ANTXR2: variants seen among roughly 807,000 people sequenced by gnomAD.
ANTXR2 encodes ANTXR cell adhesion molecule 2, also known as anthrax toxin receptor 2.
In ANTXR2, 44 loss-of-function variants were observed where a neutral mutation model predicts 73.7. The ratio of observed to expected loss-of-function variants is 0.60; its 90% CI spans 0.47 to 0.77. The LOEUF is 0.77. Among genes scored for constraint, ANTXR2 ranks in the 30% least tolerant of loss-of-function variants. The pLI, the probability that ANTXR2 is intolerant of heterozygous loss-of-function variation, is 0.00. For missense variants in ANTXR2, 604 were observed against 592.5 expected (o/e 1.02, Z -0.20); for synonymous variants, 217 against 205.9 (o/e 1.05, Z -0.46).
chr4:79,923,433 CATCA>C (rs1226063789), intron 16 of ANTXR2, among the ~76,000 whole-genome samples: 3 of 151,912 alleles, frequency 2.0e-5, no homozygotes, highest in Non-Finnish European at 4.4e-5. Context: ...ATGTGTGGCC[CATCA>C]ATTAATAGGG....
intron 16 of ANTXR2, among the ~76,000 whole-genome samples, chr4:79,919,418 G>A (rs1454056173): frequency 6.6e-6 from 1 of 151,974 alleles, no homozygotes; most frequent in Non-Finnish European, 1.5e-5. Flanking sequence ...ATTGTTCCAG[G>A]GTGTGTCTTC....
At chr4:79,955,555 T>C (rs1227739782) in intron 16 of ANTXR2, among the ~76,000 whole-genome samples, 1 of 152,184 alleles carries the variant, frequency 6.6e-6, no homozygotes, top group Non-Finnish European at 1.5e-5. Context: ...TGTTAAGGCC[T>C]CCTCTCTGAG....
At chr4:80,018,721 A>G (rs909844363) in intron 11 of ANTXR2, among the ~76,000 whole-genome samples, 177 bp downstream of exon 11, 4 of 152,218 alleles carry the variant, frequency 2.6e-5, no homozygotes, top group African/African-American at 9.6e-5. Flanking sequence ...GGAGCTCAAC[A>G]TAAAAAAAAG....
At chr4:79,951,605 C>A (rs1425468834) in intron 16 of ANTXR2, among the ~76,000 whole-genome samples, 6 of 150,202 alleles carry the variant, frequency 4.0e-5, no homozygotes, top group African/African-American at 1.5e-4. Flanking sequence ...AAAAAAAAAA[C>A]AACAAAAAGA....
In ANTXR2 at chr4:79,977,736, A is replaced by G. The variant is rs944065442; in HGVS notation, c.1348-35T>C. ...AATGAGATTTGTGAATTCCCAGAGA[A>G]TGTACTCAATCTCTATGTACTGAAT... On this transcript the variant is annotated intron_variant, in intron 15 of 16. Coordinates refer to ENST00000403729, the MANE Select transcript of ANTXR2 (RefSeq NM_058172.6). 3.3e-6 allele frequency: 5 copies of G among 1,519,388 alleles called. No individual in the cohort carries two copies. In the Admixed American group the frequency reaches 6.0e-5, roughly 18 times the overall value. The allele number at this position is 1,519,388 out of a possible 1,614,324, so 94.1% of individuals were successfully genotyped here. A position where few individuals can be genotyped will look rare whatever the true frequency, so the allele number is the denominator to read the frequency against.
At chr4:79,998,313 A>C (rs1398778608) in intron 12 of ANTXR2, among the ~76,000 whole-genome samples, 1 of 152,038 alleles carries the variant, frequency 6.6e-6, no homozygotes, top group Non-Finnish European at 1.5e-5. Context: ...ATGAATTTGC[A>C]ATTTTCCCTT....
chr4:79,987,572 A>G (rs1730240675), intron 12 of ANTXR2, among the ~76,000 whole-genome samples: 1 of 152,186 alleles, frequency 6.6e-6, no homozygotes, highest in Non-Finnish European at 1.5e-5. Context: ...TTGTCCACAC[A>G]AATTTCCCCA....
At chr4:79,920,175 T>C (rs1410101853) in intron 16 of ANTXR2, among the ~76,000 whole-genome samples, 1 of 151,930 alleles carries the variant, frequency 6.6e-6, no homozygotes, top group Non-Finnish European at 1.5e-5. Flanking sequence ...ATGTTTTCTC[T>C]AAATACCATT....
rs1234151601 is a variant in ANTXR2, at chr4:79,974,775, T to TA, written c.1428+2845dup. 7.1e-3 allele frequency among the ~76,000 whole-genome samples: 1,019 copies of TA among 142,542 alleles called. 5 individuals carry two copies. Among genetic ancestry groups the TA allele is most frequent in the Admixed American group, 0.011 (155 of 14,188 alleles). The allele number at this position is 142,542 out of a possible 152,430, so 93.5% of individuals were successfully genotyped here. The stretch of plus-strand genomic sequence containing the variant: ...TAGACAAAAGTGTGAGCATATTGAT[T>TA]AAAAAAAAAAAGAAAAAGGAAGAAA... On this transcript the variant is annotated intron_variant, in intron 16 of 16. Coordinates refer to ENST00000403729, the MANE Select transcript of ANTXR2 (RefSeq NM_058172.6).
intron 16 of ANTXR2, among the ~76,000 whole-genome samples, chr4:79,957,231 C>T (rs1318300504): frequency 1.3e-5 from 2 of 152,002 alleles, no homozygotes; most frequent in African/African-American, 4.8e-5. Context: ...ATGTTATTGT[C>T]CAATTCAAAG....
At chr4:79,910,184 T>C (rs1169909816) in intron 16 of ANTXR2, among the ~76,000 whole-genome samples, 1 of 152,074 alleles carries the variant, frequency 6.6e-6, no homozygotes, top group East Asian at 1.9e-4. Flanking sequence ...GCACTGAAAA[T>C]AGTGCCTGAC....
intron 7 of ANTXR2, among the ~76,000 whole-genome samples, chr4:80,044,470 T>C (rs902140808): frequency 3.3e-5 from 5 of 151,388 alleles, no homozygotes; most frequent in African/African-American, 1.2e-4. Flanking sequence ...TTGTGGAGAG[T>C]TGTAGTTGGT....
In ANTXR2 at chr4:79,989,336, C is replaced by T. The variant is rs758691002; in HGVS notation, c.1042-4473G>A. Among the ~76,000 whole-genome samples the T allele has an allele frequency of 1.3e-4, 20 of 151,876 alleles. No individual in the cohort carries two copies. In the Middle Eastern group the frequency reaches 0.014, roughly 103 times the overall value. On this transcript the variant is annotated intron_variant, in intron 12 of 16. Coordinates refer to ENST00000403729, the MANE Select transcript of ANTXR2 (RefSeq NM_058172.6). ...TAGAGATCCCAAAGAAATACAAGAACTCTAAAACACTATTAGGAATACCTT... is the reference window on the plus strand; with the variant it reads ...TAGAGATCCCAAAGAAATACAAGAATTCTAAAACACTATTAGGAATACCTT...
intron 11 of ANTXR2, among the ~76,000 whole-genome samples, chr4:80,011,609 C>T (rs1336352249): frequency 6.6e-6 from 1 of 152,128 alleles, no homozygotes; most frequent in African/African-American, 2.4e-5. Context: ...TGATATAGAT[C>T]TATATGTAAT....
In ANTXR2 at chr4:80,018,889, T is replaced by G; in HGVS notation, c.945+9A>C. ...TTAAAAGATAATCTTTGTGCAAACT[T>G]TTACTTACACATTCTGTGGCTGTGA... On this transcript the variant is annotated intron_variant, in intron 11 of 16. Coordinates refer to ENST00000403729, the MANE Select transcript of ANTXR2 (RefSeq NM_058172.6). The G allele has an allele frequency of 6.6e-7, 1 of 1,507,854 alleles. No homozygotes were observed. Among genetic ancestry groups the G allele is most frequent in the Non-Finnish European group, 8.9e-7 (1 of 1,128,162 alleles). The allele number at this position is 1,507,854 out of a possible 1,614,324, so 93.4% of individuals were successfully genotyped here. A position where few individuals can be genotyped will look rare whatever the true frequency, so the allele number is the denominator to read the frequency against.
At chr4:80,037,003 G>A (rs1215600436) in intron 7 of ANTXR2, among the ~76,000 whole-genome samples, 1 of 152,094 alleles carries the variant, frequency 6.6e-6, no homozygotes, top group East Asian at 1.9e-4. Flanking sequence ...CACAGGAACA[G>A]AACTGCTCTT....
chr4:80,072,780 C>T lies in ANTXR2; in HGVS notation c.-220G>A. 8.2e-7 allele frequency: 1 copy of T among 1,218,404 alleles called. No individual in the cohort carries two copies. The highest frequency in any genetic ancestry group is 1.0e-6 in the Non-Finnish European group (1 of 960,112). 75.5% of individuals were successfully genotyped at this position (1,218,404 alleles called of 1,614,324 possible). On this transcript the variant is annotated 5_prime_UTR_variant, in exon 1 of 17. Transcript: ENST00000403729. ...GTCTCCGCCACCGCCGCAGCTGCCG[C>T]CGGAACTCTTGACGAATCCCAGTGG...
At position 79,962,009 on chromosome 4, in the gene ANTXR2, G is replaced by GA. The variant is rs199687909; in HGVS notation, c.1428+15611dup. ...CCCAAGTTCTGTTTATAGATTCTTT[G>GA]AAAAAAAATATATTTTTTGGTAATT... On this transcript the variant is annotated intron_variant, in intron 16 of 16. Transcript: ENST00000403729. Among the ~76,000 whole-genome samples, 697 of 151,734 alleles carry GA rather than the reference G, an allele frequency of 4.6e-3. 10 individuals carry two copies. The highest frequency in any genetic ancestry group is 0.016 in the African/African-American group (663 of 41,426).
intron 8 of ANTXR2, 103 bp from the exon 9 acceptor site, chr4:80,033,673 C>A (rs1732811359): frequency 1.2e-6 from 1 of 834,664 alleles, no homozygotes; most frequent in East Asian, 3.0e-5. Flanking sequence ...TAATTTTTTT[C>A]ATACTATTCA....
Sources: gnomAD v4.1 joint callset for allele counts (sites outside exome capture counted in the v4.1 genomes callset) on GRCh38, gnomAD v4.1.1 for gene constraint, MANE v1.5 for transcripts, NCBI Gene and HGNC (gene_info 2026-07-23, HGNC 2026-07-21) for gene names.